Variants in RBM41 observed in about 807,000 individuals in gnomAD.
RBM41 encodes RNA-binding protein 41.
Under a neutral mutation model 30.8 loss-of-function variants are expected in RBM41, and 14 were observed. The ratio of observed to expected loss-of-function variants is 0.45; its 90% CI spans 0.30 to 0.71. The LOEUF is 0.71. Among genes scored for constraint, RBM41 ranks in the 30% least tolerant of loss-of-function variants. The probability of loss-of-function intolerance (pLI) is 0.08; values close to 1 mark genes in which losing one functional copy is unlikely to be tolerated. For missense variants in RBM41, 276 were observed against 326.3 expected, an observed-to-expected ratio of 0.85 and a Z score of 1.19; for synonymous variants, 120 against 110.1, an observed-to-expected ratio of 1.09 and a Z score of -0.56.
At chrX:107,103,513 C>T (rs1923645880) in intron 5 of RBM41, among the ~76,000 whole-genome samples, 1 of 110,903 alleles carries the variant, frequency 9.0e-6, no homozygotes, top group African/African-American at 3.3e-5. Flanking sequence ...CTGCTGACAC[C>T]TTTGATTTTA....
chrX:107,092,490 C>A (rs1408781301), intron 5 of RBM41, among the ~76,000 whole-genome samples: 2 of 111,256 alleles, frequency 1.8e-5, no homozygotes, highest in Non-Finnish European at 3.8e-5. Context: ...TGCCTGTAAT[C>A]CCAGCACTTG....
At chrX:107,076,371 C>A (rs868674754) in intron 6 of RBM41, among the ~76,000 whole-genome samples, 2 of 102,761 alleles carry the variant, frequency 1.9e-5, no homozygotes, top group East Asian at 6.2e-4. Context: ...AAATAAAATA[C>A]AATGGAATAT....
At chrX:107,069,458 T>G (rs763331633) in intron 6 of RBM41, 56 bp from the exon 7 acceptor site, 56 of 1,119,013 alleles carry the variant, frequency 5.0e-5, no homozygotes, top group Non-Finnish European at 6.4e-5. Flanking sequence ...AGGCACTCTT[T>G]GTTTTTTTCT....
At chrX:107,059,572 C>T (rs754578878), downstream of RBM41, among the ~76,000 whole-genome samples, 2 of 111,730 alleles carry the variant, frequency 1.8e-5, no homozygotes, top group South Asian at 7.6e-4. Context: ...TTTTATTGCA[C>T]GGTTGTACCA....
intron 5 of RBM41, among the ~76,000 whole-genome samples, chrX:107,094,877 C>G (rs1014814450): frequency 1.8e-5 from 2 of 111,122 alleles, no homozygotes; most frequent in Non-Finnish European, 3.8e-5. Flanking sequence ...CTGTTGACAT[C>G]TTAAGATTTC....
At chrX:107,099,735 G>A (rs988535498) in intron 5 of RBM41, among the ~76,000 whole-genome samples, 4 of 105,999 alleles carry the variant, frequency 3.8e-5, no homozygotes, top group Middle Eastern at 4.7e-3. Flanking sequence ...ACACGAACAC[G>A]AAGGCAGGGG....
At chrX:107,068,303 G>C (rs1431909611) in intron 7 of RBM41, among the ~76,000 whole-genome samples, 1 of 111,112 alleles carries the variant, frequency 9.0e-6, no homozygotes, top group African/African-American at 3.3e-5. Context: ...ATCCTAAGTA[G>C]ACAAGTAGAC....
chrX:107,104,591 T>C (rs1440243206), intron 5 of RBM41, among the ~76,000 whole-genome samples: 5 of 111,667 alleles, frequency 4.5e-5, no homozygotes, highest in South Asian at 3.7e-4. Context: ...CTGCTACTTA[T>C]TATGGTATAC....
chrX:107,067,535 C>T lies in RBM41; in HGVS notation c.1306G>A (p.Gly436Ser), dbSNP rs747235400. ...CACAATTTATATATATTCTAGCTAC[C>T]ACTAATTTCTGTAGTGCTACCTGTA... ...CATGSTTEISGS is the reference protein window; with the variant it reads ...CATGSTTEISSS Residue 436 changes from glycine to serine, a missense_variant, in exon 8 of 8, where the codon GGT (glycine) becomes AGT (serine). Coordinates refer to ENST00000685964, the MANE Select transcript of RBM41 (RefSeq NM_001324242.2). 8.3e-7 allele frequency: 1 copy of T among 1,202,409 alleles called. No homozygotes were observed. Among genetic ancestry groups the T allele is most frequent in the Non-Finnish European group, 1.1e-6 (1 of 890,920 alleles).
chrX:107,098,818 T>C (rs1923204958), intron 5 of RBM41, among the ~76,000 whole-genome samples: 1 of 110,770 alleles, frequency 9.0e-6, no homozygotes, highest in African/African-American at 3.3e-5. Context: ...CTGGCCAACG[T>C]GGTAAAACCC....
At chrX:107,082,595 T>A (rs1404458567) in intron 6 of RBM41, among the ~76,000 whole-genome samples, 1 of 111,373 alleles carries the variant, frequency 9.0e-6, no homozygotes, top group Non-Finnish European at 1.9e-5. Flanking sequence ...TCTGCTTCCG[T>A]TTTCTGAAAA....
Position 107,063,958 on chromosome X carries a change from T to C in RBM41, c.*3569A>G, listed in dbSNP as rs938326614. ...GTGCTATGGTCTTTCTTTTCTTTTT[T>C]TTTTTTTTTTTGAGATGGAGTCTCG... On this transcript the variant is annotated 3_prime_UTR_variant, in exon 8 of 8. Coordinates refer to ENST00000685964, the MANE Select transcript of RBM41 (RefSeq NM_001324242.2). Among the ~76,000 whole-genome samples the C allele has an allele frequency of 3.8e-5, 4 of 104,162 alleles. No homozygotes were observed. The highest frequency in any genetic ancestry group is 4.4e-4 in the South Asian group (1 of 2,251). The allele number at this position is 104,162 out of a possible 115,157, so 90.5% of individuals were successfully genotyped here. A position where few individuals can be genotyped will look rare whatever the true frequency, so the allele number is the denominator to read the frequency against.
intron 5 of RBM41, among the ~76,000 whole-genome samples, chrX:107,111,727 G>C (rs1924494349): frequency 9.0e-6 from 1 of 111,561 alleles, no homozygotes; most frequent in Non-Finnish European, 1.9e-5. Flanking sequence ...TCTGACACAT[G>C]CTACAACTTA....
chrX:107,115,637 T>C (rs1038295258), intron 3 of RBM41, 81 bp from the exon 4 acceptor site: 6 of 959,104 alleles, frequency 6.3e-6, no homozygotes, highest in African/African-American at 3.9e-5. Context: ...AGTAAAAAGA[T>C]GACCTAGGCC....
At position 107,063,289 on chromosome X, in the gene RBM41, A is replaced by G. The variant is rs1427836998; in HGVS notation, c.*4238T>C. Among the ~76,000 whole-genome samples, 1 of 111,481 alleles carries G rather than the reference A, an allele frequency of 9.0e-6. No homozygotes were observed. The highest frequency in any genetic ancestry group is 3.3e-5 in the African/African-American group (1 of 30,689). ...TATATTTGCCAATTCTGGACACTTC[A>G]TATAAATAGTATCATATAATATGTA... On this transcript the variant is annotated 3_prime_UTR_variant, in exon 8 of 8. Coordinates refer to ENST00000685964, the MANE Select transcript of RBM41 (RefSeq NM_001324242.2).
chrX:107,099,543 T>C (rs1209297811), intron 5 of RBM41, among the ~76,000 whole-genome samples: 1 of 112,034 alleles, frequency 8.9e-6, no homozygotes, highest in Admixed American at 9.5e-5. Flanking sequence ...AAGAACTGAA[T>C]AGCCATTTCA....
intron 4 of RBM41, chrX:107,114,372 C>G (rs932567269): frequency 1.8e-5 from 2 of 111,766 alleles, no homozygotes; most frequent in Non-Finnish European, 3.8e-5. Context: ...GGTTCAAAAA[C>G]CTTCAACCAT....
Position 107,065,697 on chromosome X carries a change from C to A in RBM41, c.*1830G>T. On this transcript the variant is annotated 3_prime_UTR_variant, in exon 8 of 8. Transcript: ENST00000685964. ...TCTCCATTTGTTCCTGTGGATTTGT[C>A]TTACCATCTGGAGTCAGTTCTTTAG... 8.9e-7 allele frequency: 1 copy of A among 1,117,710 alleles called. No individual in the cohort carries two copies. Among genetic ancestry groups the A allele is most frequent in the South Asian group, 2.3e-5 (1 of 44,046 alleles). The allele number at this position is 1,117,710 out of a possible 1,213,427, so 92.1% of individuals were successfully genotyped here. A position where few individuals can be genotyped will look rare whatever the true frequency, so the allele number is the denominator to read the frequency against.
chrX:107,112,736 A>G (rs759832548), intron 5 of RBM41: 2 of 237,969 alleles, frequency 8.4e-6, no homozygotes, highest in East Asian at 2.5e-4. Context: ...AACAACTCAA[A>G]TGAGTCTCAA....
Sources: allele counts gnomAD v4.1 joint callset (sites outside exome capture counted in the v4.1 genomes callset), GRCh38; gene constraint gnomAD v4.1.1; transcripts MANE v1.5; gene names NCBI Gene and HGNC (gene_info 2026-07-23, HGNC 2026-07-21).